The following ME3 variants were observed in gnomAD, a reference collection of about 807,000 sequenced individuals.
ME3 encodes the protein NADP-dependent malic enzyme, mitochondrial.
ME3 carries 48 observed loss-of-function variants against 68.9 expected under a neutral mutation model. The ratio of observed to expected loss-of-function variants is 0.70; its 90% CI spans 0.55 to 0.89. ME3 has a LOEUF of 0.89. Ranked by LOEUF, ME3 falls within the 40% of genes least tolerant of loss-of-function variation. The probability of loss-of-function intolerance (pLI) is 0.00; values close to 1 mark genes in which losing one functional copy is unlikely to be tolerated. For synonymous variants in ME3, 320 were observed against 318.8 expected, an observed-to-expected ratio of 1.00 and a Z score of -0.04; for missense variants, 675 against 797.4, an observed-to-expected ratio of 0.85 and a Z score of 1.85.
chr11:86,504,525 G>A (rs1952937730), intron 5 of ME3, among the ~76,000 whole-genome samples: 2 of 151,448 alleles, frequency 1.3e-5, no homozygotes, highest in South Asian at 4.2e-4. Flanking sequence ...CGAGAAGCTG[G>A]GAGGACTACA....
At chr11:86,480,521 C>T (rs1351724615) in intron 7 of ME3, among the ~76,000 whole-genome samples, 2 of 152,214 alleles carry the variant, frequency 1.3e-5, no homozygotes, top group Non-Finnish European at 2.9e-5. Context: ...TGCCATCTCC[C>T]TCTTCCAAGC....
At chr11:86,594,187 CG>C (rs1378824057) in intron 2 of ME3, among the ~76,000 whole-genome samples, 2 of 146,634 alleles carry the variant, frequency 1.4e-5, no homozygotes, top group Admixed American at 7.3e-5. Flanking sequence ...TTAGAAAGGT[CG>C]AACTATTTTA....
intron 8 of ME3, among the ~76,000 whole-genome samples, chr11:86,452,276 C>T (rs1315892587): frequency 6.6e-6 from 1 of 152,096 alleles, no homozygotes; most frequent in African/African-American, 2.4e-5. Context: ...CCCTGGCCAG[C>T]TGGGGCTCTT....
At chr11:86,532,182 T>C (rs1277018526) in intron 4 of ME3, among the ~76,000 whole-genome samples, 1 of 152,186 alleles carries the variant, frequency 6.6e-6, no homozygotes, top group Admixed American at 6.5e-5. Context: ...GTGTAACTTC[T>C]ATAAATATAT....
At chr11:86,596,612 C>T (rs1423368483) in intron 2 of ME3, among the ~76,000 whole-genome samples, 2 of 152,204 alleles carry the variant, frequency 1.3e-5, no homozygotes, top group Non-Finnish European at 2.9e-5. Flanking sequence ...GAAGGCTTCT[C>T]ACCTTCATGT....
At chr11:86,457,551 T>C (rs1950006849) in intron 8 of ME3, 1 of 1,160,396 alleles carries the variant, frequency 8.6e-7, no homozygotes, top group Admixed American at 3.4e-5. Flanking sequence ...AGCTCCAAAT[T>C]ACAAAATTTG....
intron 2 of ME3, among the ~76,000 whole-genome samples, chr11:86,648,386 A>T (rs559515516): frequency 6.6e-6 from 1 of 152,338 alleles, no homozygotes; most frequent in Non-Finnish European, 1.5e-5. Flanking sequence ...AAGATCTCAA[A>T]TCGACACCCT....
chr11:86,499,666 T>C (rs1952593104), intron 5 of ME3, among the ~76,000 whole-genome samples: 1 of 152,196 alleles, frequency 6.6e-6, no homozygotes, highest in Admixed American at 6.5e-5. Context: ...CCTCTGCTTC[T>C]GGAAAAGGGT....
chr11:86,656,664 G>A (rs1374820527), intron 2 of ME3, among the ~76,000 whole-genome samples: 1 of 151,230 alleles, frequency 6.6e-6, no homozygotes, highest in African/African-American at 2.4e-5. Context: ...TGAGTTAATG[G>A]GTGCAGCACA....
chr11:86,561,358 G>A (rs1022265563), intron 2 of ME3, among the ~76,000 whole-genome samples: 1 of 152,098 alleles, frequency 6.6e-6, no homozygotes, highest in African/African-American at 2.4e-5. Flanking sequence ...GGTATTAGAA[G>A]GCAAGATTTG....
intron 4 of ME3, among the ~76,000 whole-genome samples, chr11:86,518,046 T>C (rs1954015105): frequency 6.6e-6 from 1 of 152,196 alleles, no homozygotes; most frequent in South Asian, 2.1e-4. Context: ...CTGATATTGG[T>C]TACTTATGGT....
intron 7 of ME3, among the ~76,000 whole-genome samples, chr11:86,485,002 C>T (rs1007239636): frequency 3.9e-5 from 6 of 152,144 alleles, no homozygotes; most frequent in African/African-American, 1.4e-4. Flanking sequence ...GCTTGAATTC[C>T]TTCCTATAAT....
Position 86,611,338 on chromosome 11 carries a change from A to C in ME3, c.184-51515T>G, listed in dbSNP as rs189961824. ...GACACTTGTAAACAAAAAGAGAAAA[A>C]AAGGTGAGTAAGTTCTGAAGATCTA... is the stretch of plus-strand genomic sequence containing the variant. On this transcript the variant is annotated intron_variant, in intron 2 of 14. Transcript: ENST00000543262. Among the ~76,000 whole-genome samples, 166 of 151,370 alleles carry C rather than the reference A, an allele frequency of 1.1e-3. 2 individuals carry two copies. The highest frequency in any genetic ancestry group is 3.9e-3 in the African/African-American group (161 of 41,254).
At chr11:86,480,490 T>C (rs1951337827) in intron 7 of ME3, among the ~76,000 whole-genome samples, 1 of 152,176 alleles carries the variant, frequency 6.6e-6, no homozygotes, top group Non-Finnish European at 1.5e-5. Flanking sequence ...GTCACCACTG[T>C]CTTTACCTAA....
Position 86,614,030 on chromosome 11 carries a change from A to G in ME3, c.184-54207T>C, listed in dbSNP as rs1942783783. Among the ~76,000 whole-genome samples the G allele has an allele frequency of 2.0e-5, 3 of 152,348 alleles. No homozygotes were observed. The South Asian group carries it at 6.2e-4, about 32-fold the overall frequency. On this transcript the variant is annotated intron_variant, in intron 2 of 14. Coordinates refer to ENST00000543262, the Ensembl canonical transcript of ME3. ...ATAGTCAAGACAATCCTAAGCAAAA[A>G]GAACAAAGCTGGTGACATCACCCTA... is the stretch of plus-strand genomic sequence containing the variant.
At chr11:86,672,096 C>T in intron 1 of ME3, 138 bp from the exon 2 acceptor site, 1 of 700,972 alleles carries the variant, frequency 1.4e-6, no homozygotes. Context: ...AATGTTCCAG[C>T]CCCCGCCACT....
downstream of ME3, among the ~76,000 whole-genome samples, chr11:86,438,803 A>G (rs919866193): frequency 6.6e-6 from 1 of 151,566 alleles, no homozygotes; most frequent in Non-Finnish European, 1.5e-5. Flanking sequence ...AGGAATTTGC[A>G]TTAGTCAGGG....
At chr11:86,449,685 A>C (rs369655360) in intron 10 of ME3, among the ~76,000 whole-genome samples, 1 of 151,880 alleles carries the variant, frequency 6.6e-6, no homozygotes, top group Non-Finnish European at 1.5e-5. Context: ...TAGAAGGGGC[A>C]CACATCTACA....
intron 2 of ME3, among the ~76,000 whole-genome samples, chr11:86,600,574 A>G (rs1191108485): frequency 6.6e-6 from 1 of 150,550 alleles, no homozygotes; most frequent in Admixed American, 6.7e-5. Context: ...ATACCCAGGA[A>G]TTGAACTCAG....
Sources: gnomAD v4.1 joint callset for allele counts (sites outside exome capture counted in the v4.1 genomes callset) on GRCh38, gnomAD v4.1.1 for gene constraint, MANE v1.5 for transcripts, NCBI Gene and HGNC (gene_info 2026-07-23, HGNC 2026-07-21) for gene names.